SMIM27: variants seen among roughly 807,000 people sequenced by gnomAD.
SMIM27 encodes transition zone microprotein 1, also known as TOPORS antisense RNA 1 (non-protein coding).
Under a neutral mutation model 1.8 loss-of-function variants are expected in SMIM27, and 3 were observed. That is an observed-to-expected ratio of 1.65 (90% confidence interval 0.75 to 4.28). The LOEUF is 4.28. Ranked by LOEUF, SMIM27 falls within the 30% of genes most tolerant of loss-of-function variation. The probability of loss-of-function intolerance (pLI) is 0.02; values close to 1 mark genes in which losing one functional copy is unlikely to be tolerated. For missense variants in SMIM27, 63 were observed against 37.0 expected (o/e 1.70, Z -1.83); for synonymous variants, 19 against 13.9 (o/e 1.37, Z -0.82).
downstream of SMIM27, among the ~76,000 whole-genome samples, chr9:32,555,538 C>A (rs7855693): frequency 0.58 from 88,588 of 152,136 alleles, 26,221 homozygotes; most frequent in Middle Eastern, 0.69. Flanking sequence ...TGGCATGAGA[C>A]ACTGACTAGA....
chr9:32,561,614 C>G (rs1244571203), intron 1 of SMIM27, among the ~76,000 whole-genome samples: 1 of 152,168 alleles, frequency 6.6e-6, no homozygotes, highest in South Asian at 2.1e-4. Context: ...CAAGCATGAG[C>G]CACCACACCC....
chr9:32,558,863 A>C (rs771431382), intron 1 of SMIM27: 3 of 1,300,120 alleles, frequency 2.3e-6, no homozygotes, highest in Non-Finnish European at 3.2e-6. Flanking sequence ...GGAAAAGGAA[A>C]GAGAAAAACA....
At chr9:32,562,783 C>T (rs900788299) in intron 1 of SMIM27, among the ~76,000 whole-genome samples, 1 of 152,190 alleles carries the variant, frequency 6.6e-6, no homozygotes, top group East Asian at 1.9e-4. Flanking sequence ...TCTCAATTGT[C>T]TCAATAATTG....
chr9:32,554,957 T>A (rs962749442), downstream of SMIM27, among the ~76,000 whole-genome samples: 1 of 152,194 alleles, frequency 6.6e-6, no homozygotes, highest in Admixed American at 6.5e-5. Context: ...GTTTGGATCC[T>A]TGGGATCCTT....
chr9:32,555,380 T>G (rs779343820), downstream of SMIM27, among the ~76,000 whole-genome samples: 3 of 152,220 alleles, frequency 2.0e-5, no homozygotes, highest in Admixed American at 2.0e-4. Flanking sequence ...CACAGCCCTA[T>G]GGCAAAGATC....
intron 1 of SMIM27, chr9:32,566,137 G>A (rs1349212874): frequency 1.6e-6 from 1 of 635,806 alleles, no homozygotes; most frequent in East Asian, 2.5e-5. Flanking sequence ...CGAGAATATG[G>A]TGTGTATATG....
At chr9:32,558,371 A>C (rs1468760417) in intron 1 of SMIM27, among the ~76,000 whole-genome samples, 2 of 152,178 alleles carry the variant, frequency 1.3e-5, no homozygotes, top group African/African-American at 4.8e-5. Flanking sequence ...TTGGCCTCCC[A>C]AAGTGCTGGG....
At chr9:32,565,799 C>G (rs1368496958) in intron 1 of SMIM27, among the ~76,000 whole-genome samples, 1 of 152,146 alleles carries the variant, frequency 6.6e-6, no homozygotes, top group African/African-American at 2.4e-5. Context: ...TGGCGAAACC[C>G]TGTCTCTACT....
chr9:32,564,008 T>G (rs1208716385), intron 1 of SMIM27, among the ~76,000 whole-genome samples: 2 of 152,218 alleles, frequency 1.3e-5, no homozygotes, highest in African/African-American at 4.8e-5. Context: ...CTCTGAGCTC[T>G]GGGTCCTTTC....
chr9:32,562,587 C>T (rs1340236299), intron 1 of SMIM27, among the ~76,000 whole-genome samples: 1 of 152,150 alleles, frequency 6.6e-6, no homozygotes, highest in East Asian at 1.9e-4. Context: ...CATAAAGCTG[C>T]AAGAATGAAA....
upstream of SMIM27, chr9:32,551,218 A>G (rs966641847): frequency 1.0e-5 from 6 of 597,902 alleles, no homozygotes; most frequent in Admixed American, 1.5e-4. Context: ...CACTGGGGAC[A>G]CTGACTGAAT....
intron 1 of SMIM27, among the ~76,000 whole-genome samples, chr9:32,561,699 T>A (rs1038736912): frequency 1.3e-5 from 2 of 152,186 alleles, no homozygotes; most frequent in South Asian, 4.1e-4. Flanking sequence ...TTTCCAAGGC[T>A]AGAGATTTTG....
chr9:32,566,150 A>C (rs1429165290), intron 1 of SMIM27: 1 of 687,220 alleles, frequency 1.5e-6, no homozygotes, highest in African/African-American at 1.8e-5. Context: ...TGTATATGTC[A>C]CTGGCGCTTT....
chr9:32,564,175 T>G (rs673710), intron 1 of SMIM27, among the ~76,000 whole-genome samples: 61,523 of 152,036 alleles, frequency 0.4, 12,929 homozygotes, highest in South Asian at 0.47. Flanking sequence ...TATCTATTTC[T>G]AGGTCTATCA....
upstream of SMIM27, chr9:32,551,173 G>GC (rs1465576767): frequency 3.1e-6 from 2 of 645,604 alleles, no homozygotes; most frequent in Non-Finnish European, 5.5e-6. Flanking sequence ...GAGGAGGGCA[G>GC]CGCGACCCTC....
intron 1 of SMIM27, among the ~76,000 whole-genome samples, chr9:32,559,315 T>A (rs1310605797): frequency 6.6e-6 from 1 of 152,196 alleles, no homozygotes; most frequent in Non-Finnish European, 1.5e-5. Flanking sequence ...ACCAGCCTTG[T>A]CCAAGCCTCT....
chr9:32,555,095 C>CA (rs11391859), downstream of SMIM27, among the ~76,000 whole-genome samples: 28,299 of 138,368 alleles, frequency 0.2, 2,950 homozygotes, highest in Non-Finnish European at 0.26. Context: ...TGTTCCTGAC[C>CA]AAAAAAAAAA....
chr9:32,560,157 T>C (rs951932020), intron 1 of SMIM27, among the ~76,000 whole-genome samples: 2 of 152,136 alleles, frequency 1.3e-5, no homozygotes, highest in Non-Finnish European at 2.9e-5. Context: ...AGCAAACTGG[T>C]TGCAATCTTA....
At chr9:32,566,515 C>A in exon 2 of SMIM27, 1 of 771,782 alleles carries the variant, frequency 1.3e-6, no homozygotes, top group Middle Eastern at 2.3e-4. Flanking sequence ...TGTGCAGAGA[C>A]GGCTGCCACC....
Sources: gnomAD v4.1 joint callset for allele counts (sites outside exome capture counted in the v4.1 genomes callset) on GRCh38, gnomAD v4.1.1 for gene constraint, MANE v1.5 for transcripts, NCBI Gene and HGNC (gene_info 2026-07-23, HGNC 2026-07-21) for gene names.